The following CEP192 variants were observed in gnomAD, a reference collection of about 807,000 sequenced individuals.
CEP192 encodes centrosomal protein of 192 kDa.
CEP192 carries 151 observed loss-of-function variants against 271.8 expected under a neutral mutation model. The ratio of observed to expected loss-of-function variants is 0.56; its 90% confidence interval spans 0.49 to 0.64. The LOEUF is 0.64. Among genes scored for constraint, CEP192 ranks in the 30% least tolerant of loss-of-function variants. The pLI is 0.00. For missense variants in CEP192, 2,910 were observed against 3,020.5 expected, an observed-to-expected ratio of 0.96 and a Z score of 0.86; for synonymous variants, 995 against 1,076.5, an observed-to-expected ratio of 0.92 and a Z score of 1.48.
intron 21 of CEP192, among the ~76,000 whole-genome samples, chr18:13,062,520 T>G (rs2144267782): frequency 7.8e-6 from 1 of 128,322 alleles, no homozygotes; most frequent in South Asian, 2.4e-4. Flanking sequence ...CATTTGGTAC[T>G]GTTAGATTTT....
At chr18:13,061,389 T>C (rs1261554629) in intron 21 of CEP192, among the ~76,000 whole-genome samples, 1 of 152,160 alleles carries the variant, frequency 6.6e-6, no homozygotes, top group Non-Finnish European at 1.5e-5. Context: ...AGTTTAGAGG[T>C]AGGTGTTGGG....
At chr18:13,078,642 G>T (rs1049979283) in intron 30 of CEP192, among the ~76,000 whole-genome samples, 2 of 151,812 alleles carry the variant, frequency 1.3e-5, no homozygotes, top group Non-Finnish European at 2.9e-5. Context: ...TGTTGTTGTT[G>T]TTGTTGTTAT....
chr18:13,124,571 C>G (rs2040818982), intron 44 of CEP192, 61 bp from the exon 45 acceptor site: 5 of 1,521,230 alleles, frequency 3.3e-6, no homozygotes, highest in Non-Finnish European at 3.6e-6. Flanking sequence ...ACTGTGCTGC[C>G]TGGGACAGGG....
chr18:13,115,258 G>A (rs2040376560), intron 42 of CEP192, among the ~76,000 whole-genome samples: 2 of 152,166 alleles, frequency 1.3e-5, no homozygotes, highest in Non-Finnish European at 2.9e-5. Context: ...GAGCCCACAC[G>A]GGCTGCGGGG....
At chr18:13,089,624 T>A in intron 33 of CEP192, 59 bp downstream of exon 33, 2 of 821,796 alleles carry the variant, frequency 2.4e-6, no homozygotes, top group Non-Finnish European at 4.1e-6. Context: ...TAGTATTATC[T>A]ATGTCCAATG....
intron 17 of CEP192, among the ~76,000 whole-genome samples, chr18:13,050,263 T>C (rs1413763925): frequency 6.6e-6 from 1 of 152,214 alleles, no homozygotes; most frequent in East Asian, 1.9e-4. Flanking sequence ...TTTTGTGGCT[T>C]TATAAAAGAT....
In CEP192 at chr18:13,029,787, AG is replaced by A; in HGVS notation, c.1180del (p.Ala394GlnfsTer17). The A allele has an allele frequency of 6.4e-7, 1 of 1,551,672 alleles. No homozygotes were observed. On this transcript the variant is annotated frameshift_variant, in exon 10 of 45. Coordinates refer to ENST00000506447, the MANE Select transcript of CEP192 (RefSeq NM_032142.4). LOFTEE classifies it high-confidence loss of function. Reference sequence around the variant, plus strand: ...TTTGATCTGACTGACCCTGTAAAACAGGGGGCAGAGTGTCCTCACCAAAATA... The same window carrying A: ...TTTGATCTGACTGACCCTGTAAAACAGGGGCAGAGTGTCCTCACCAAAATA... ...GGFDLTDPVK[Q>X]GAECPHQNKT...
intron 6 of CEP192, 48 bp from the exon 7 acceptor site, chr18:13,017,140 A>C (rs2034696534): frequency 7.1e-7 from 1 of 1,413,270 alleles, no homozygotes; most frequent in Admixed American, 2.4e-5. Flanking sequence ...ATTATTGCTT[A>C]GTCACTACTT....
intron 40 of CEP192, among the ~76,000 whole-genome samples, chr18:13,110,431 ATTTT>A (rs58685532): frequency 6.8e-6 from 1 of 146,262 alleles, no homozygotes; most frequent in South Asian, 2.2e-4. Context: ...TAATCAATTG[ATTTT>A]TTTTTTTTTT....
rs149575106 is a variant in CEP192, at chr18:13,100,441, C to T, written c.6800C>T (p.Pro2267Leu). 227 of 1,613,910 alleles carry T rather than the reference C, an allele frequency of 1.4e-4. No homozygotes were observed. Among genetic ancestry groups the T allele is most frequent in the Admixed American group, 9.7e-4 (58 of 59,990 alleles). Residue 2267 changes from proline to leucine, a missense_variant, in exon 38 of 45, where the codon CCG (proline) becomes CTG (leucine). Transcript: ENST00000506447. ...CATTTGGTCAAACCAATGACAAAAC[C>T]GCCTTCCACAAAAGTTGAAATAAGA... The part of the protein sequence containing the change: ...VSHLVKPMTK[P>L]PSTKVEIRNK...
chr18:13,033,632 G>A (rs2035753862), intron 11 of CEP192, among the ~76,000 whole-genome samples: 1 of 152,186 alleles, frequency 6.6e-6, no homozygotes, highest in Admixed American at 6.5e-5. Context: ...TTGCAGCATT[G>A]TCTGTGATAA....
intron 44 of CEP192, chr18:13,124,402 G>T (rs1233569205): frequency 5.1e-6 from 2 of 390,046 alleles, no homozygotes; most frequent in Non-Finnish European, 4.6e-6. Flanking sequence ...TTACTGGATA[G>T]CCAGGAATAC....
At chr18:13,112,712 G>C (rs2040259789) in intron 40 of CEP192, among the ~76,000 whole-genome samples, 2 of 152,156 alleles carry the variant, frequency 1.3e-5, no homozygotes, top group African/African-American at 4.8e-5. Flanking sequence ...TCCTCTCCCT[G>C]ACCAGTCCTG....
rs535228575 is a variant in CEP192 at position 13,036,655 on chromosome 18, C to T, written c.1535-582C>T. On this transcript the variant is annotated intron_variant, in intron 11 of 44. Transcript: ENST00000506447. ...GGCCCTGGCCCTCTTTGCCCATTTG[C>T]CCCATCCCTCTGAGGCATTTTAGTG... 7.2e-5 allele frequency among the ~76,000 whole-genome samples: 11 copies of T among 152,368 alleles called. No homozygotes were observed. The South Asian group carries it at 2.1e-3, about 29-fold the overall frequency.
chr18:13,097,602 C>T (rs1312225403), intron 36 of CEP192, among the ~76,000 whole-genome samples: 8 of 149,486 alleles, frequency 5.4e-5, no homozygotes, highest in African/African-American at 2.0e-4. Flanking sequence ...AAATGGTATT[C>T]CTAAGGCATG....
In CEP192 at chr18:13,049,159, G is replaced by A. The variant is rs1443588008; in HGVS notation, c.2368G>A (p.Val790Ile). Reference protein sequence around the residue: ...DMEKYLKKTEVSRYESALENF... With the variant: ...DMEKYLKKTEISRYESALENF... ...GGAGAAATACCTTAAAAAAACAGAAGTTAGTAGATATGAAAGTGCATTGGA... is the reference window on the plus strand; with the variant it reads ...GGAGAAATACCTTAAAAAAACAGAAATTAGTAGATATGAAAGTGCATTGGA... Residue 790 changes from valine to isoleucine, a missense_variant, in exon 16 of 45, where the codon GTT (valine) becomes ATT (isoleucine). Transcript: ENST00000506447. 4 of 1,613,846 alleles carry A rather than the reference G, an allele frequency of 2.5e-6. No individual in the cohort carries two copies. The highest frequency in any genetic ancestry group is 3.4e-6 in the Non-Finnish European group (4 of 1,179,994).
Position 13,043,608 on chromosome 18 carries a change from G to C in CEP192, c.2067+1274G>C, listed in dbSNP as rs148970494. On this transcript the variant is annotated intron_variant, in intron 15 of 44. Transcript: ENST00000506447. ...TTCTTGGCCCTTTATATTTCCATGT[G>C]TGCTTTACAGTCACATGGTCAGCTT... 2.7e-3 allele frequency among the ~76,000 whole-genome samples: 413 copies of C among 151,948 alleles called. 1 individual carries two copies. The highest frequency in any genetic ancestry group is 4.8e-3 in the Non-Finnish European group (324 of 67,956).
intron 17 of CEP192, among the ~76,000 whole-genome samples, chr18:13,052,598 G>T (rs2036856335): frequency 6.6e-6 from 1 of 152,112 alleles, no homozygotes. Flanking sequence ...TTTGCTCGTT[G>T]AGGGTTGGAA....
At chr18:13,048,836 A>G in intron 15 of CEP192, 23 bp from the exon 16 acceptor site, 1 of 1,469,434 alleles carries the variant, frequency 6.8e-7, no homozygotes, top group Non-Finnish European at 9.3e-7. Context: ...AATTTATCTG[A>G]TGTTTAATTT....
Sources: allele counts gnomAD v4.1 joint callset (sites outside exome capture counted in the v4.1 genomes callset), GRCh38; gene constraint gnomAD v4.1.1; transcripts MANE v1.5; gene names NCBI Gene and HGNC (gene_info 2026-07-23, HGNC 2026-07-21).